USH2A: variants seen among roughly 807,000 people sequenced by gnomAD.
USH2A encodes the protein usherin, also known as Usher syndrome 2A (autosomal recessive, mild).
A neutral mutation model predicts 538.9 loss-of-function variants in USH2A; 443 were observed. The observed-to-expected ratio is 0.82, with a 90% CI of 0.76 to 0.89. The LOEUF (loss-of-function observed/expected upper bound fraction) is 0.89, where lower values mean the gene tolerates loss of function less well. Ranked by LOEUF, USH2A falls within the 40% of genes least tolerant of loss-of-function variation. USH2A has a pLI of 0.00. For synonymous variants in USH2A, 2,413 were observed against 2,273.5 expected, an observed-to-expected ratio of 1.06 and a Z score of -1.75; for missense variants, 6,633 against 6,324.8, an observed-to-expected ratio of 1.05 and a Z score of -1.65.
chr1:215,634,639 G>A lies in USH2A; in HGVS notation c.15117C>T (p.Ser5039=), dbSNP rs148499621. 37 of 1,614,202 alleles carry A rather than the reference G, an allele frequency of 2.3e-5. No homozygotes were observed. The African/African-American group carries it at 4.0e-4, about 17-fold the overall frequency. Residue 5039 remains serine (S), a synonymous_variant, in exon 70 of 72, where the codon AGC becomes AGT. Coordinates refer to ENST00000307340, the MANE Select transcript of USH2A (RefSeq NM_206933.4). The part of the protein sequence containing the change: ...GSRSKSTEFY[S]ELWFIVLMAM... ...CCATTAACACTATGAACCACAGCTCGCTGTAGAACTCTGTGCTTTTGCTCC... is the reference window on the plus strand; with the variant it reads ...CCATTAACACTATGAACCACAGCTCACTGTAGAACTCTGTGCTTTTGCTCC...
intron 11 of USH2A, among the ~76,000 whole-genome samples, chr1:216,283,197 C>T (rs2036815651): frequency 6.6e-6 from 1 of 152,102 alleles, no homozygotes; most frequent in Admixed American, 6.6e-5. Flanking sequence ...CACCATTCTC[C>T]CACCTCAGCC....
chr1:216,333,371 A>T (rs1295032487), intron 4 of USH2A, among the ~76,000 whole-genome samples: 1 of 152,086 alleles, frequency 6.6e-6, no homozygotes, highest in African/African-American at 2.4e-5. Flanking sequence ...CAGAAGAAAT[A>T]ATTAATGAAC....
At chr1:215,801,012 T>C (rs528839730) in intron 49 of USH2A, among the ~76,000 whole-genome samples, 1 of 151,990 alleles carries the variant, frequency 6.6e-6, no homozygotes, top group Non-Finnish European at 1.5e-5. Flanking sequence ...ATTATATCAA[T>C]AGAACAAAGG....
In USH2A at chr1:216,190,374, G is replaced by T. The variant is rs749109537; in HGVS notation, c.4252-7C>A. Reference sequence around the variant, plus strand: ...ATTTAGCAGTGTGCAACAGCTTCAAGGCAAAAAAGAAAGAAAGAAAGAAAG... The same window carrying T: ...ATTTAGCAGTGTGCAACAGCTTCAATGCAAAAAAGAAAGAAAGAAAGAAAG... On this transcript the variant is annotated splice_region_variant and splice_polypyrimidine_tract_variant and intron_variant, in intron 19 of 71. Transcript: ENST00000307340. 60 of 1,608,946 alleles carry T rather than the reference G, an allele frequency of 3.7e-5. No homozygotes were observed. Among genetic ancestry groups the T allele is most frequent in the Non-Finnish European group, 4.9e-5 (58 of 1,178,266 alleles).
At chr1:215,813,958 A>G in intron 48 of USH2A, 54 bp from the exon 49 acceptor site, 2 of 1,559,924 alleles carry the variant, frequency 1.3e-6, no homozygotes, top group Non-Finnish European at 1.8e-6. Context: ...AGAGTGTTAT[A>G]CCACTGTATC....
chr1:215,780,739 G>T (rs1199847985), intron 54 of USH2A, among the ~76,000 whole-genome samples: 3 of 152,212 alleles, frequency 2.0e-5, no homozygotes, highest in Admixed American at 6.5e-5. Flanking sequence ...GCATGGAATT[G>T]TTCTAGGACT....
chr1:215,682,432 C>T (rs1300536165), intron 61 of USH2A, among the ~76,000 whole-genome samples: 10 of 152,142 alleles, frequency 6.6e-5, no homozygotes, highest in Non-Finnish European at 1.3e-4. Context: ...GATGGCAATA[C>T]TATCAAACAC....
chr1:216,245,651 T>C (rs562191508), intron 13 of USH2A, among the ~76,000 whole-genome samples: 18 of 152,260 alleles, frequency 1.2e-4, no homozygotes, highest in African/African-American at 4.3e-4. Context: ...CAAGTTGTTT[T>C]TTAATACTTA....
chr1:215,901,004 G>A, intron 38 of USH2A, 99 bp from the exon 39 acceptor site: 1 of 1,437,230 alleles, frequency 7.0e-7, no homozygotes, highest in Non-Finnish European at 9.7e-7. Flanking sequence ...CTGTTCCTCA[G>A]GATCAACAAC....
chr1:216,404,531 C>T (rs970836225), intron 3 of USH2A, among the ~76,000 whole-genome samples: 2 of 151,328 alleles, frequency 1.3e-5, no homozygotes. Context: ...AGGATATAGC[C>T]TTTTCAACTA....
intron 43 of USH2A, among the ~76,000 whole-genome samples, chr1:215,876,875 C>A (rs1664787115): frequency 6.6e-6 from 1 of 151,998 alleles, no homozygotes. Context: ...AATGCAGAGG[C>A]CTTGGTAAGA....
chr1:215,997,175 T>C (rs994159670), intron 34 of USH2A, among the ~76,000 whole-genome samples: 11 of 152,162 alleles, frequency 7.2e-5, no homozygotes, highest in Non-Finnish European at 1.5e-4. Context: ...GTAAAAACCC[T>C]GTTAGTTGAA....
chr1:216,198,321 C>T lies in USH2A; in HGVS notation c.4075G>A (p.Glu1359Lys), dbSNP rs1558311713. 1 of 1,613,908 alleles carries T rather than the reference C, an allele frequency of 6.2e-7. No homozygotes were observed. Among genetic ancestry groups the T allele is most frequent in the South Asian group, 1.1e-5 (1 of 91,068 alleles). Residue 1359 changes from glutamate to lysine, a missense_variant, in exon 18 of 72, where the codon GAA (glutamate) becomes AAA (lysine). Physicochemically the swap from Glu to Lys is moderately conservative, Grantham distance 56. Transcript: ENST00000307340. ...TTAAAACATTGATCTTTACCTGATT[C>T]TCCCGTTCTTTCTGAGACCCAGGCA... The part of the protein sequence containing the change: ...SSAWVSERTG[E>K]SAPVFMIPPS...
chr1:216,147,347 A>G (rs1405339623), intron 21 of USH2A, among the ~76,000 whole-genome samples: 1 of 152,106 alleles, frequency 6.6e-6, no homozygotes, highest in African/African-American at 2.4e-5. Context: ...TTCCGTGACT[A>G]GCCCTCCCCC....
chr1:216,272,543 A>G (rs1034595131), intron 11 of USH2A, among the ~76,000 whole-genome samples: 2 of 151,548 alleles, frequency 1.3e-5, no homozygotes, highest in Non-Finnish European at 2.9e-5. Flanking sequence ...TTCCTTTCCC[A>G]TCATCAGTCT....
chr1:216,133,049 G>T (rs796586727), intron 21 of USH2A, among the ~76,000 whole-genome samples: 14 of 152,150 alleles, frequency 9.2e-5, no homozygotes, highest in African/African-American at 3.1e-4. Context: ...GCAATGGTGG[G>T]GTTGGGAAGG....
At chr1:216,381,725 T>C (rs993932281) in intron 3 of USH2A, among the ~76,000 whole-genome samples, 3 of 152,210 alleles carry the variant, frequency 2.0e-5, no homozygotes, top group Non-Finnish European at 2.9e-5. Context: ...TTCTTTTCCT[T>C]TTTCAGTTTT....
At chr1:216,383,107 A>T (rs2038947798) in intron 3 of USH2A, among the ~76,000 whole-genome samples, 2 of 152,312 alleles carry the variant, frequency 1.3e-5, no homozygotes, top group Admixed American at 1.3e-4. Flanking sequence ...ACTCAGGCAC[A>T]CAAAAACGGG....
chr1:215,733,085 C>T (rs961204906), intron 60 of USH2A, among the ~76,000 whole-genome samples: 15 of 151,898 alleles, frequency 9.9e-5, no homozygotes, highest in African/African-American at 3.1e-4. Flanking sequence ...GTACAGAAAG[C>T]ATGATGCTGG....
Sources: allele counts gnomAD v4.1 joint callset (sites outside exome capture counted in the v4.1 genomes callset), GRCh38; gene constraint gnomAD v4.1.1; transcripts MANE v1.5; gene names NCBI Gene and HGNC (gene_info 2026-07-23, HGNC 2026-07-21).